Variants in PDCD6 observed in about 807,000 individuals in gnomAD.
PDCD6 encodes the protein programmed cell death 6.
A neutral mutation model predicts 28.3 loss-of-function variants in PDCD6; 12 were observed. The observed-to-expected ratio is 0.42, with a 90% CI of 0.27 to 0.69. The LOEUF is 0.69. Ranked by LOEUF, PDCD6 falls within the 30% of genes least tolerant of loss-of-function variation. The pLI is 0.22. For synonymous variants in PDCD6, 92 were observed against 108.0 expected (o/e 0.85, Z 0.92); for missense variants, 226 against 269.9 (o/e 0.84, Z 1.14).
chr5:272,367 T>C (rs921821760), intron 1 of PDCD6, among the ~76,000 whole-genome samples: 1 of 148,888 alleles, frequency 6.7e-6, no homozygotes, highest in Admixed American at 6.7e-5. Flanking sequence ...CCACCGAATG[T>C]CCGAAACTGT....
chr5:313,805 G>T, intron 5 of PDCD6: 1 of 155,542 alleles, frequency 6.4e-6, no homozygotes, highest in Middle Eastern at 5.4e-4. Flanking sequence ...CCCCCAAAGT[G>T]CTGGGATCAC....
At position 276,857 on chromosome 5, in the gene PDCD6, G is replaced by A. The variant is rs981256841; in HGVS notation, c.163+4085G>A. ...CACAGGAGAGCTGCTAAAAATTACTGCTCTCAGGGAGGTCTGTGGTGAACA... is the reference window on the plus strand; with the variant it reads ...CACAGGAGAGCTGCTAAAAATTACTACTCTCAGGGAGGTCTGTGGTGAACA... On this transcript the variant is annotated intron_variant, in intron 2 of 5. Transcript: ENST00000264933. 4 of 985,262 alleles carry A rather than the reference G, an allele frequency of 4.1e-6. No homozygotes were observed. The African/African-American group carries it at 7.0e-5, about 17-fold the overall frequency. The allele number at this position is 985,262 out of a possible 1,614,324, so 61.0% of individuals were successfully genotyped here.
intron 4 of PDCD6, 127 bp downstream of exon 4, chr5:306,887 A>G (rs1303967681): frequency 2.3e-6 from 2 of 878,124 alleles, no homozygotes; most frequent in Non-Finnish European, 3.8e-6. Context: ...TGTTGACGTC[A>G]TGCAGGTTCA....
At chr5:314,273 C>T in intron 5 of PDCD6, 144 bp from the exon 6 acceptor site, 1 of 619,974 alleles carries the variant, frequency 1.6e-6, no homozygotes. Context: ...GCTCCAGCCC[C>T]ACCTGCGCCT....
At chr5:281,122 G>A (rs902837642) in intron 2 of PDCD6, among the ~76,000 whole-genome samples, 1 of 152,222 alleles carries the variant, frequency 6.6e-6, no homozygotes, top group Non-Finnish European at 1.5e-5. Context: ...GTGTGTTTCT[G>A]TTTCACATTG....
In PDCD6 at chr5:311,370, G is replaced by C. The variant is rs368897410; in HGVS notation, c.445G>C (p.Asp149His). The C allele has an allele frequency of 1.2e-6, 2 of 1,613,870 alleles. No homozygotes were observed. The highest frequency in any genetic ancestry group is 1.1e-5 in the South Asian group (1 of 91,058). The change falls in exon 5 of 6, where the codon GAC becomes CAC. Residue 149 changes from aspartate to histidine, a missense_variant. Physicochemically the swap from Asp to His is moderately conservative, Grantham distance 81 (BLOSUM62 -1). This residue lies in a region of PDCD6 where 151 missense variants were observed against 177.2 expected (regional missense o/e 0.85). Transcript: ENST00000264933. ...GCAGGGACGGGGGCAGATTGCCTTCGACGACTTCATCCAGGGCTGCATCGT... is the reference window on the plus strand; with the variant it reads ...GCAGGGACGGGGGCAGATTGCCTTCCACGACTTCATCCAGGGCTGCATCGT... ...DRQGRGQIAF[D>H]DFIQGCIVLQ...
Position 314,635 on chromosome 5 carries a change from G to A in PDCD6, c.*120G>A, listed in dbSNP as rs748336524. On this transcript the variant is annotated 3_prime_UTR_variant, in exon 6 of 6. Coordinates refer to ENST00000264933, the MANE Select transcript of PDCD6 (RefSeq NM_013232.4). ...CTGTTCTTCCTTTAGATTTTGTCAC[G>A]TGGGGACCCAGCTGTACATATGTGG... The A allele has an allele frequency of 3.3e-5, 25 of 749,962 alleles. No homozygotes were observed. The highest frequency in any genetic ancestry group is 1.2e-4 in the Admixed American group (6 of 50,504). The allele number at this position is 749,962 out of a possible 1,614,324, so 46.5% of individuals were successfully genotyped here. A position where few individuals can be genotyped will look rare whatever the true frequency, so the allele number is the denominator to read the frequency against.
At position 306,626 on chromosome 5, in the gene PDCD6, C is replaced by A; in HGVS notation, c.233C>A (p.Ala78Asp). ...IISMFDRENK[A>D]GVNFSEFTGV... The stretch of plus-strand genomic sequence containing the variant: ...GCCATGTTTGACCGTGAGAACAAGG[C>A]CGGCGTGAACTTCAGCGAGTTCACG... Residue 78 changes from alanine to aspartate, a missense_variant, in exon 4 of 6, where the codon GCC becomes GAC. By Grantham distance (126) the Ala-to-Asp change is moderately radical (BLOSUM62 -2). This residue lies in a region of PDCD6 where 151 missense variants were observed against 177.2 expected (regional missense o/e 0.85). Coordinates refer to ENST00000264933, the MANE Select transcript of PDCD6 (RefSeq NM_013232.4). The A allele has an allele frequency of 1.9e-6, 3 of 1,613,908 alleles. No individual in the cohort carries two copies. The highest frequency in any genetic ancestry group is 2.5e-6 in the Non-Finnish European group (3 of 1,179,984).
chr5:294,808 A>AGGCAGGAGGT (rs1739503960), intron 2 of PDCD6, among the ~76,000 whole-genome samples: 1 of 152,184 alleles, frequency 6.6e-6, no homozygotes, highest in Non-Finnish European at 1.5e-5. Flanking sequence ...CGGCAGGAGG[A>AGGCAGGAGGT]GGCGGGAACC....
At chr5:302,704 T>G (rs1406721630) in intron 2 of PDCD6, among the ~76,000 whole-genome samples, 1 of 145,686 alleles carries the variant, frequency 6.9e-6, no homozygotes, top group Non-Finnish European at 1.5e-5. Context: ...GCTGTGTGTG[T>G]GGGCCACGGG....
chr5:303,297 T>TA (rs34022166), intron 2 of PDCD6, among the ~76,000 whole-genome samples: 3,304 of 128,854 alleles, frequency 0.026, 61 homozygotes, highest in East Asian at 0.05. Flanking sequence ...TTTTTGTGCA[T>TA]AAAAAAAAAA....
chr5:289,267 G>T, intron 2 of PDCD6: 1 of 551,262 alleles, frequency 1.8e-6, no homozygotes, highest in Non-Finnish European at 3.2e-6. Flanking sequence ...CTGAAATTCA[G>T]CAACAACTAC....
chr5:285,439 C>G (rs1738888046), intron 2 of PDCD6, among the ~76,000 whole-genome samples: 1 of 148,540 alleles, frequency 6.7e-6, no homozygotes. Context: ...AGCCGATGTT[C>G]CAGTTTGAGG....
At position 296,569 on chromosome 5, in the gene PDCD6, AGT is replaced by A. The variant is rs200887145; in HGVS notation, c.164-7602_164-7601del. 6.2e-3 allele frequency among the ~76,000 whole-genome samples: 941 copies of A among 152,322 alleles called. 11 individuals are homozygous for A. Among genetic ancestry groups the A allele is most frequent in the African/African-American group, 0.022 (924 of 41,584 alleles). ...CCAGAGACATGAATGGGTCTCAGATAGTGTGTGAGTGGATGAAGCAGCAAAAA... is the reference window on the plus strand; with the variant it reads ...CCAGAGACATGAATGGGTCTCAGATAGTGTGAGTGGATGAAGCAGCAAAAA... On this transcript the variant is annotated intron_variant, in intron 2 of 5. Coordinates refer to ENST00000264933, the MANE Select transcript of PDCD6 (RefSeq NM_013232.4).
intron 2 of PDCD6, chr5:290,128 T>G (rs1010511982): frequency 1.6e-5 from 25 of 1,587,434 alleles, no homozygotes; most frequent in African/African-American, 6.7e-5. Context: ...ACCTCTTGGC[T>G]CAGGAGCTGA....
intron 2 of PDCD6, among the ~76,000 whole-genome samples, chr5:277,820 C>T (rs1057450847): frequency 2.7e-5 from 4 of 148,616 alleles, no homozygotes; most frequent in African/African-American, 1.0e-4. Context: ...GAGGCTGAGG[C>T]GTGAGAATCA....
intron 2 of PDCD6, among the ~76,000 whole-genome samples, chr5:278,609 A>G (rs112149411): frequency 0.13 from 19,691 of 150,514 alleles, 1,374 homozygotes; most frequent in Admixed American, 0.17. Context: ...GCCACTGGGG[A>G]GGCTGAGGAG....
intron 2 of PDCD6, among the ~76,000 whole-genome samples, chr5:286,247 G>A (rs964958022): frequency 1.4e-4 from 21 of 151,814 alleles, no homozygotes; most frequent in Non-Finnish European, 1.6e-4. Flanking sequence ...GGGAGCTGAT[G>A]TTCTAGTTTG....
Position 299,589 on chromosome 5 carries a change from GC to G in PDCD6, c.164-4585del, listed in dbSNP as rs1739892302. Among the ~76,000 whole-genome samples, 4 of 149,672 alleles carry G rather than the reference GC, an allele frequency of 2.7e-5. No homozygotes were observed. The East Asian group carries it at 7.9e-4, about 29-fold the overall frequency. On this transcript the variant is annotated intron_variant, in intron 2 of 5. Coordinates refer to ENST00000264933, the MANE Select transcript of PDCD6 (RefSeq NM_013232.4). ...CTTTAAGACAGAGTCTCACTTTGTC[GC>G]CCAGGCTGGAGTCCAGTGGTGCAAT...
Sources: gnomAD v4.1 joint callset for allele counts (sites outside exome capture counted in the v4.1 genomes callset) on GRCh38, gnomAD v4.1.1 for gene constraint, gnomAD v4.1.1 regional missense constraint, MANE v1.5 for transcripts, NCBI Gene and HGNC (gene_info 2026-07-23, HGNC 2026-07-21) for gene names.